The following MCTP1 variants were observed in gnomAD, a reference collection of about 807,000 sequenced individuals.
MCTP1 encodes multiple C2 and transmembrane domain containing 1, also known as multiple C2 and transmembrane domain-containing protein 1.
Under a neutral mutation model 120.6 loss-of-function variants are expected in MCTP1, and 69 were observed. That is an observed-to-expected ratio of 0.57 (90% confidence interval 0.47 to 0.70). The LOEUF is 0.70. Among genes scored for constraint, MCTP1 ranks in the 30% least tolerant of loss-of-function variants. The pLI is 0.00. For synonymous variants in MCTP1, 529 were observed against 493.1 expected, an observed-to-expected ratio of 1.07 and a Z score of -0.96; for missense variants, 1,203 against 1,248.8, an observed-to-expected ratio of 0.96 and a Z score of 0.55.
intron 19 of MCTP1, among the ~76,000 whole-genome samples, chr5:94,751,435 GA>G (rs201921475): frequency 0.012 from 1,824 of 151,218 alleles, 31 homozygotes; most frequent in African/African-American, 0.041. Flanking sequence ...TGAGCATGAA[GA>G]AAAAAAATTC....
At chr5:95,205,262 G>C (rs1186213761) in intron 1 of MCTP1, among the ~76,000 whole-genome samples, 1 of 152,002 alleles carries the variant, frequency 6.6e-6, no homozygotes, top group Non-Finnish European at 1.5e-5. Flanking sequence ...TTCAACATAT[G>C]GTTGGGACAA....
At chr5:94,802,602 T>C (rs1334546528) in intron 17 of MCTP1, among the ~76,000 whole-genome samples, 1 of 151,958 alleles carries the variant, frequency 6.6e-6, no homozygotes, top group Non-Finnish European at 1.5e-5. Flanking sequence ...CCTACTAGGG[T>C]AGTAAGAGAA....
intron 19 of MCTP1, among the ~76,000 whole-genome samples, chr5:94,735,853 G>A (rs1174209332): frequency 1.3e-5 from 2 of 152,094 alleles, no homozygotes; most frequent in East Asian, 1.9e-4. Flanking sequence ...TCAAATAAAT[G>A]TGTCTATTTT....
At chr5:94,847,147 C>CT (rs2153221111) in intron 17 of MCTP1, among the ~76,000 whole-genome samples, 1 of 152,264 alleles carries the variant, frequency 6.6e-6, no homozygotes, top group Admixed American at 6.5e-5. Flanking sequence ...CTTTACCCTT[C>CT]TCCTACTGAA....
chr5:94,897,508 C>G (rs753737396), intron 10 of MCTP1, among the ~76,000 whole-genome samples: 5 of 152,142 alleles, frequency 3.3e-5, no homozygotes, highest in Non-Finnish European at 7.3e-5. Context: ...AGGTGCCCAC[C>G]ACCATGCTCA....
chr5:95,017,637 C>T (rs1837375744), intron 1 of MCTP1, 153 bp from the exon 2 acceptor site: 1 of 393,532 alleles, frequency 2.5e-6, no homozygotes, highest in Admixed American at 4.4e-5. Context: ...TCACTCAGTT[C>T]TCTGAAGGTT....
At chr5:94,886,746 T>C (rs536003253) in intron 12 of MCTP1, among the ~76,000 whole-genome samples, 1 of 152,318 alleles carries the variant, frequency 6.6e-6, no homozygotes, top group African/African-American at 2.4e-5. Flanking sequence ...CTGACTGTTA[T>C]TATCCACTGA....
intron 18 of MCTP1, among the ~76,000 whole-genome samples, chr5:94,795,114 T>C (rs1307965338): frequency 1.3e-5 from 2 of 152,168 alleles, no homozygotes; most frequent in Non-Finnish European, 2.9e-5. Flanking sequence ...GGGTGTGCAA[T>C]AGACCCCTGG....
chr5:94,784,706 T>C (rs1387956028), intron 18 of MCTP1: 1 of 151,750 alleles, frequency 6.6e-6, no homozygotes, highest in Non-Finnish European at 1.5e-5. Flanking sequence ...TCAGCTACAG[T>C]AGTCATCAAG....
chr5:95,092,283 A>G (rs1262192718), intron 1 of MCTP1, among the ~76,000 whole-genome samples: 2 of 152,224 alleles, frequency 1.3e-5, no homozygotes, highest in African/African-American at 4.8e-5. Flanking sequence ...TTGCTGGGTT[A>G]AAAAACAACA....
intron 1 of MCTP1, among the ~76,000 whole-genome samples, chr5:95,114,065 A>G (rs1757644535): frequency 6.6e-6 from 1 of 152,142 alleles, no homozygotes; most frequent in Non-Finnish European, 1.5e-5. Context: ...GCTTGAAGGG[A>G]AGGAGCCAGT....
chr5:94,940,283 AAAGT>A, intron 4 of MCTP1, 88 bp from the exon 5 acceptor site: 1 of 743,808 alleles, frequency 1.3e-6, no homozygotes, highest in Non-Finnish European at 2.1e-6. Flanking sequence ...TTTAAGATAA[AAAGT>A]AATTTTGTCT....
Position 94,868,471 on chromosome 5 carries a change from T to C in MCTP1, c.2317-19A>G. 1.3e-6 allele frequency: 2 copies of C among 1,560,590 alleles called. No individual in the cohort carries two copies. Among genetic ancestry groups the C allele is most frequent in the South Asian group, 2.5e-5 (2 of 81,266 alleles). On this transcript the variant is annotated intron_variant, in intron 16 of 22. Transcript: ENST00000515393. Reference sequence around the variant, plus strand: ...GTAGCAGCTGTAAGGAAAATGAAAATATTATTATAATTTGCAAGACTAAAA... The same window carrying C: ...GTAGCAGCTGTAAGGAAAATGAAAACATTATTATAATTTGCAAGACTAAAA...
At chr5:94,942,505 A>C in intron 3 of MCTP1, 78 bp from the exon 4 acceptor site, 1 of 1,032,578 alleles carries the variant, frequency 9.7e-7, no homozygotes, top group Non-Finnish European at 1.5e-6. Flanking sequence ...TGGTCATAAA[A>C]TGTTGGTTGT....
intron 10 of MCTP1, among the ~76,000 whole-genome samples, chr5:94,896,282 A>G (rs1023034072): frequency 6.6e-6 from 1 of 152,212 alleles, no homozygotes; most frequent in African/African-American, 2.4e-5. Context: ...TGCTGGGCCC[A>G]TAGTTTGTTG....
At chr5:95,171,504 GT>G (rs1296096651) in intron 1 of MCTP1, among the ~76,000 whole-genome samples, 2 of 152,284 alleles carry the variant, frequency 1.3e-5, no homozygotes, top group East Asian at 3.9e-4. Context: ...CCTGCAGAGT[GT>G]TTTCCAACTT....
intron 1 of MCTP1, among the ~76,000 whole-genome samples, chr5:95,117,485 G>A (rs1222586783): frequency 6.7e-6 from 1 of 149,474 alleles, no homozygotes; most frequent in Non-Finnish European, 1.5e-5. Context: ...ATGCCAGTCA[G>A]AATGGTGATT....
At chr5:95,218,257 C>T (rs773361519) in intron 1 of MCTP1, among the ~76,000 whole-genome samples, 3 of 152,176 alleles carry the variant, frequency 2.0e-5, no homozygotes, top group African/African-American at 4.8e-5. Context: ...AGAAAAGATC[C>T]GTGTTCAATG....
chr5:95,226,990 AG>A (rs1754351967), intron 1 of MCTP1, among the ~76,000 whole-genome samples: 1 of 152,180 alleles, frequency 6.6e-6, no homozygotes, highest in South Asian at 2.1e-4. Context: ...TACAGAGAGG[AG>A]ATGCTGGATG....
Sources: gnomAD v4.1 joint callset for allele counts (sites outside exome capture counted in the v4.1 genomes callset) on GRCh38, gnomAD v4.1.1 for gene constraint, MANE v1.5 for transcripts, NCBI Gene and HGNC (gene_info 2026-07-23, HGNC 2026-07-21) for gene names.